Variants in LRRC4C observed in about 807,000 individuals in gnomAD.
LRRC4C encodes leucine-rich repeat-containing protein 4C.
LRRC4C carries 5 observed loss-of-function variants against 33.6 expected under a neutral mutation model. The observed-to-expected ratio is 0.15, with a 90% CI of 0.08 to 0.31. The LOEUF is 0.31. Ranked by LOEUF, LRRC4C falls within the 10% of genes least tolerant of loss-of-function variation. The pLI is 1.00. For missense variants in LRRC4C, 560 were observed against 796.7 expected (o/e 0.70, Z 3.58); for synonymous variants, 329 against 302.0 (o/e 1.09, Z -0.93).
chr11:41,178,305 G>T (rs1945291431), intron 1 of LRRC4C, among the ~76,000 whole-genome samples: 2 of 152,260 alleles, frequency 1.3e-5, no homozygotes, highest in South Asian at 4.1e-4. Flanking sequence ...AAATTCACCA[G>T]GGTAGGTTAA....
At chr11:40,639,573 G>T (rs1040048417) in intron 3 of LRRC4C, among the ~76,000 whole-genome samples, 1 of 152,176 alleles carries the variant, frequency 6.6e-6, no homozygotes. Context: ...CCTTCTTTGT[G>T]CAAGGCATTC....
At chr11:40,747,998 G>T (rs539777496) in intron 2 of LRRC4C, among the ~76,000 whole-genome samples, 1 of 152,206 alleles carries the variant, frequency 6.6e-6, no homozygotes, top group South Asian at 2.1e-4. Context: ...ACAAAAATAG[G>T]ATGGATGAAA....
At chr11:41,245,180 G>T (rs1948401939) in intron 1 of LRRC4C, among the ~76,000 whole-genome samples, 1 of 152,284 alleles carries the variant, frequency 6.6e-6, no homozygotes, top group East Asian at 1.9e-4. Flanking sequence ...TATTGTCACA[G>T]GATCCTTGGG....
chr11:40,294,654 C>A (rs1438230861), intron 4 of LRRC4C, among the ~76,000 whole-genome samples: 1 of 151,874 alleles, frequency 6.6e-6, no homozygotes, highest in Non-Finnish European at 1.5e-5. Flanking sequence ...TTGTGAAACC[C>A]CGTCCCTACT....
At chr11:40,398,646 A>G (rs950593614) in intron 3 of LRRC4C, among the ~76,000 whole-genome samples, 1 of 152,136 alleles carries the variant, frequency 6.6e-6, no homozygotes, top group Non-Finnish European at 1.5e-5. Flanking sequence ...AAAATGCAAC[A>G]GGGTCAAACC....
rs140834768 is a variant in LRRC4C, at chr11:40,122,662, G to C, written c.-42-6328C>G. 7.8e-4 allele frequency among the ~76,000 whole-genome samples: 118 copies of C among 151,764 alleles called. 1 individual carries two copies. The highest frequency in any genetic ancestry group is 2.7e-3 in the African/African-American group (113 of 41,364). On this transcript the variant is annotated intron_variant, in intron 6 of 6. Coordinates refer to ENST00000528697, the MANE Select transcript of LRRC4C (RefSeq NM_001258419.2). ...AAAGTCAGCTCTGCTTTATCAACAG[G>C]TTATATTGATGATATTTCAGGAATT...
intron 1 of LRRC4C, among the ~76,000 whole-genome samples, chr11:41,371,981 A>G (rs1032258057): frequency 6.6e-6 from 1 of 152,172 alleles, no homozygotes; most frequent in African/African-American, 2.4e-5. Context: ...TAAAAAATAC[A>G]AAGAAATTAG....
intron 1 of LRRC4C, among the ~76,000 whole-genome samples, chr11:41,231,048 T>G (rs548903138): frequency 1.3e-5 from 2 of 152,002 alleles, no homozygotes; most frequent in East Asian, 3.9e-4. Flanking sequence ...GAAATGCAAA[T>G]CAAAACCACA....
At chr11:40,185,963 A>T (rs573674299) in intron 5 of LRRC4C, among the ~76,000 whole-genome samples, 6 of 152,250 alleles carry the variant, frequency 3.9e-5, no homozygotes, top group African/African-American at 1.2e-4. Flanking sequence ...TCCCAATGCC[A>T]AGCAGTATCA....
At chr11:40,504,473 T>C (rs1431850590) in intron 3 of LRRC4C, among the ~76,000 whole-genome samples, 1 of 151,830 alleles carries the variant, frequency 6.6e-6, no homozygotes, top group African/African-American at 2.4e-5. Context: ...TGGAGGCATC[T>C]GTCCTCCAAG....
chr11:40,381,954 G>GTTTTTTT lies in LRRC4C; in HGVS notation c.-269-62240_-269-62234dup, dbSNP rs34415574. Among the ~76,000 whole-genome samples, 17 of 85,912 alleles carry GTTTTTTT rather than the reference G, an allele frequency of 2.0e-4. 2 individuals carry two copies. The highest frequency in any genetic ancestry group is 2.8e-4 in the Non-Finnish European group (13 of 46,640). 56.4% of individuals were successfully genotyped at this position (85,912 alleles called of 152,430 possible). On this transcript the variant is annotated intron_variant, in intron 3 of 6. Coordinates refer to ENST00000528697, the MANE Select transcript of LRRC4C (RefSeq NM_001258419.2). ...ATGGACAAAATGTTTATCAGTCAGC[G>GTTTTTTT]TTTTTTTTTTTTTTTTTTTTTTGAG...
At chr11:40,368,655 C>G (rs1218893361) in intron 3 of LRRC4C, among the ~76,000 whole-genome samples, 1 of 152,032 alleles carries the variant, frequency 6.6e-6, no homozygotes, top group Non-Finnish European at 1.5e-5. Context: ...TGGTATTTTC[C>G]TTGGTGGTTT....
intron 1 of LRRC4C, among the ~76,000 whole-genome samples, chr11:41,105,637 A>G (rs1283539155): frequency 1.3e-5 from 2 of 152,088 alleles, no homozygotes; most frequent in East Asian, 3.9e-4. Flanking sequence ...TTTATTTGTC[A>G]TGATGAAGAA....
At chr11:40,555,952 T>A (rs911886798) in intron 3 of LRRC4C, among the ~76,000 whole-genome samples, 7 of 152,328 alleles carry the variant, frequency 4.6e-5, no homozygotes, top group East Asian at 3.9e-4. Flanking sequence ...TTCAATTTTT[T>A]AAAATTATTT....
At chr11:41,293,142 T>C (rs762779150) in intron 1 of LRRC4C, among the ~76,000 whole-genome samples, 17 of 152,168 alleles carry the variant, frequency 1.1e-4, no homozygotes, top group Non-Finnish European at 2.2e-4. Context: ...AATCATATTA[T>C]AACACAATAT....
intron 2 of LRRC4C, among the ~76,000 whole-genome samples, chr11:40,857,770 C>T (rs1486196144): frequency 1.3e-5 from 2 of 151,966 alleles, no homozygotes; most frequent in Admixed American, 1.3e-4. Context: ...CAAAAATTAG[C>T]CAGGCATGGT....
intron 2 of LRRC4C, among the ~76,000 whole-genome samples, chr11:40,770,040 AAAG>A (rs1949678780): frequency 6.6e-6 from 1 of 152,292 alleles, no homozygotes; most frequent in South Asian, 2.1e-4. Context: ...TCCGCACATC[AAAG>A]GAAACAATAA....
chr11:40,717,901 C>A (rs1210703506), intron 2 of LRRC4C, among the ~76,000 whole-genome samples: 1 of 152,116 alleles, frequency 6.6e-6, no homozygotes, highest in African/African-American at 2.4e-5. Context: ...GCTTAAATAT[C>A]TGGTAGTATA....
intron 2 of LRRC4C, among the ~76,000 whole-genome samples, chr11:40,652,837 T>G (rs148225372): frequency 6.6e-6 from 1 of 152,218 alleles, no homozygotes; most frequent in African/African-American, 2.4e-5. Flanking sequence ...ACTCTGTGTC[T>G]CTGCCCAAAT....
Sources: allele counts gnomAD v4.1 joint callset (sites outside exome capture counted in the v4.1 genomes callset), GRCh38; gene constraint gnomAD v4.1.1; transcripts MANE v1.5; gene names NCBI Gene and HGNC (gene_info 2026-07-23, HGNC 2026-07-21).